Variants in VPS13D observed in about 807,000 individuals in gnomAD.
VPS13D encodes intermembrane lipid transfer protein VPS13D.
Under a neutral mutation model 461.9 loss-of-function variants are expected in VPS13D, and 187 were observed. The observed-to-expected ratio is 0.40, with a 90% CI of 0.36 to 0.46. The LOEUF is 0.46. VPS13D is among the 20% of genes least tolerant of loss of function. VPS13D has a pLI of 0.60. For synonymous variants in VPS13D, 1,951 were observed against 1,986.3 expected (o/e 0.98, Z 0.47); for missense variants, 4,711 against 5,364.9 (o/e 0.88, Z 3.81).
chr1:12,305,430 A>G (rs1642534771), intron 26 of VPS13D, among the ~76,000 whole-genome samples: 1 of 151,948 alleles, frequency 6.6e-6, no homozygotes, highest in Non-Finnish European at 1.5e-5. Context: ...ATGTGTCATC[A>G]CGCTCAGCTA....
At chr1:12,329,732 G>A in intron 36 of VPS13D, 97 bp from the exon 37 acceptor site, 1 of 810,688 alleles carries the variant, frequency 1.2e-6, no homozygotes. Flanking sequence ...GCTCTCCTTT[G>A]CGAGTATTAG....
At chr1:12,258,405 C>G (rs1640988464) in intron 10 of VPS13D, among the ~76,000 whole-genome samples, 2 of 152,242 alleles carry the variant, frequency 1.3e-5, no homozygotes, top group Admixed American at 1.3e-4. Flanking sequence ...TCACCCGCCT[C>G]TCTTCAAAGC....
chr1:12,446,897 C>A (rs987609539), intron 65 of VPS13D, among the ~76,000 whole-genome samples: 2 of 152,112 alleles, frequency 1.3e-5, no homozygotes, highest in African/African-American at 4.8e-5. Context: ...GTGATGTGAT[C>A]CACATAACGG....
chr1:12,301,038 T>C (rs1347976127), intron 25 of VPS13D, among the ~76,000 whole-genome samples: 5 of 152,226 alleles, frequency 3.3e-5, no homozygotes, highest in African/African-American at 9.6e-5. Context: ...GAGATGTATG[T>C]AAGATTTGAT....
intron 20 of VPS13D, among the ~76,000 whole-genome samples, chr1:12,281,484 A>G (rs1207230778): frequency 2.0e-5 from 3 of 152,118 alleles, no homozygotes; most frequent in Non-Finnish European, 2.9e-5. Context: ...GTTCTCCCAC[A>G]TATTTCCTGT....
At chr1:12,381,980 T>TTCTTTC (rs1318974573) in intron 57 of VPS13D, among the ~76,000 whole-genome samples, 49 of 131,228 alleles carry the variant, frequency 3.7e-4, no homozygotes, top group Admixed American at 4.8e-4. Flanking sequence ...CTTTCTTTCT[T>TTCTTTC]TCTCTCTCTC....
intron 37 of VPS13D, among the ~76,000 whole-genome samples, chr1:12,331,711 TAAAAAA>T (rs757913489): frequency 1.9e-5 from 2 of 106,194 alleles, no homozygotes; most frequent in South Asian, 6.5e-4. Flanking sequence ...GACTCTGTCT[TAAAAAA>T]AAAAAAAAAA....
chr1:12,488,161 A>G (rs1645826525), intron 67 of VPS13D, among the ~76,000 whole-genome samples: 1 of 152,256 alleles, frequency 6.6e-6, no homozygotes, highest in Non-Finnish European at 1.5e-5. Flanking sequence ...CCGTCCAGAT[A>G]CAATTTTAAA....
intron 23 of VPS13D, 150 bp from the exon 24 acceptor site, chr1:12,293,374 A>G (rs1195055312): frequency 1.4e-6 from 1 of 692,066 alleles, no homozygotes; most frequent in African/African-American, 1.8e-5. Context: ...AGGAGTAATT[A>G]TTAGAGTTTG....
chr1:12,397,487 C>T (rs529252607), intron 60 of VPS13D, among the ~76,000 whole-genome samples: 3 of 152,128 alleles, frequency 2.0e-5, no homozygotes, highest in Non-Finnish European at 2.9e-5. Context: ...ACAATATGGT[C>T]GAGCCCTTTA....
At chr1:12,239,013 G>GTA (rs920420770) in intron 2 of VPS13D, among the ~76,000 whole-genome samples, 1 of 152,168 alleles carries the variant, frequency 6.6e-6, no homozygotes, top group African/African-American at 2.4e-5. Context: ...ATACAAGGCA[G>GTA]TATAGATTAA....
At chr1:12,323,968 G>A (rs527530365) in intron 35 of VPS13D, among the ~76,000 whole-genome samples, 188 bp downstream of exon 35, 2 of 152,200 alleles carry the variant, frequency 1.3e-5, no homozygotes, top group African/African-American at 4.8e-5. Context: ...GAGTGCAGTG[G>A]CGCCACCTCA....
intron 67 of VPS13D, among the ~76,000 whole-genome samples, chr1:12,474,035 C>T (rs544554459): frequency 7.9e-5 from 12 of 152,258 alleles, no homozygotes; most frequent in African/African-American, 2.2e-4. Flanking sequence ...CCTCTGGGTT[C>T]GAGCAGAGTT....
intron 63 of VPS13D, among the ~76,000 whole-genome samples, chr1:12,413,165 G>GT (rs199924507): frequency 0.019 from 2,834 of 151,832 alleles, 99 homozygotes; most frequent in Admixed American, 0.097. Flanking sequence ...TTTTCTGGGT[G>GT]TTTTTTTGTT....
intron 1 of VPS13D, among the ~76,000 whole-genome samples, chr1:12,231,966 G>A (rs888523942): frequency 6.6e-6 from 1 of 152,144 alleles, no homozygotes; most frequent in Non-Finnish European, 1.5e-5. Flanking sequence ...CTGCACTCCA[G>A]CCTGGGCGAG....
chr1:12,352,993 A>AAAC (rs1643831248), intron 46 of VPS13D, among the ~76,000 whole-genome samples: 1 of 148,404 alleles, frequency 6.7e-6, no homozygotes, highest in Non-Finnish European at 1.5e-5. Flanking sequence ...AAAAAAAAAA[A>AAAC]AAAGGACCCA....
intron 67 of VPS13D, among the ~76,000 whole-genome samples, chr1:12,466,677 G>A (rs1258189452): frequency 6.6e-6 from 1 of 151,906 alleles, no homozygotes; most frequent in Admixed American, 6.5e-5. Context: ...GCATGTATAT[G>A]GTAGAGGTGA....
chr1:12,292,685 G>A (rs576444583), intron 23 of VPS13D, among the ~76,000 whole-genome samples: 12 of 152,004 alleles, frequency 7.9e-5, no homozygotes, highest in South Asian at 6.2e-4. Context: ...GCAGTCTACC[G>A]GCCTCGGCCT....
intron 52 of VPS13D, among the ~76,000 whole-genome samples, chr1:12,367,241 G>T (rs901560373): frequency 6.6e-6 from 1 of 152,158 alleles, no homozygotes; most frequent in Non-Finnish European, 1.5e-5. Context: ...GTGATTTCCT[G>T]TCTGTAGATT....
Sources: gnomAD v4.1 joint callset for allele counts (sites outside exome capture counted in the v4.1 genomes callset) on GRCh38, gnomAD v4.1.1 for gene constraint, MANE v1.5 for transcripts, NCBI Gene and HGNC (gene_info 2026-07-23, HGNC 2026-07-21) for gene names.